FRMPD3: variants seen among roughly 807,000 people sequenced by gnomAD.
FRMPD3 encodes FERM and PDZ domain containing 3.
A neutral mutation model predicts 97.9 loss-of-function variants in FRMPD3; 42 were observed. That is an observed-to-expected ratio of 0.43 (90% CI 0.34 to 0.55). FRMPD3 has a LOEUF of 0.55. Among genes scored for constraint, FRMPD3 ranks in the 20% least tolerant of loss-of-function variants. The pLI, the probability that FRMPD3 is intolerant of heterozygous loss-of-function variation, is 0.03. For missense variants in FRMPD3, 1,303 were observed against 1,457.7 expected (o/e 0.89, Z 1.73); for synonymous variants, 577 against 581.1 (o/e 0.99, Z 0.10).
intron 1 of FRMPD3, among the ~76,000 whole-genome samples, chrX:107,486,664 G>A (rs747161787): frequency 2.7e-5 from 3 of 111,599 alleles, no homozygotes; most frequent in Non-Finnish European, 5.6e-5. Context: ...GTAGATAAAT[G>A]GGTTTATTTG....
chrX:107,479,079 G>A (rs1341020339), intron 1 of FRMPD3, among the ~76,000 whole-genome samples: 1 of 112,902 alleles, frequency 8.9e-6, no homozygotes, highest in African/African-American at 3.2e-5. Flanking sequence ...CCATGCTTGA[G>A]TCTGGAGAAC....
intron 13 of FRMPD3, among the ~76,000 whole-genome samples, chrX:107,596,628 A>C (rs1011858491): frequency 8.9e-6 from 1 of 112,110 alleles, no homozygotes; most frequent in Non-Finnish European, 1.9e-5. Context: ...GAAAAGAATA[A>C]AATTTGAAGA....
chrX:107,537,001 G>A (rs1020088869), intron 4 of FRMPD3, among the ~76,000 whole-genome samples: 4 of 111,198 alleles, frequency 3.6e-5, no homozygotes, highest in Middle Eastern at 4.6e-3. Context: ...AATAAAGGGC[G>A]TAACACTCAC....
chrX:107,600,974 C>T lies in FRMPD3; in HGVS notation c.2935C>T (p.Pro979Ser), dbSNP rs200539181. The T allele has an allele frequency of 8.3e-7, 1 of 1,206,549 alleles. No homozygotes were observed. Among genetic ancestry groups the T allele is most frequent in the Admixed American group, 2.2e-5 (1 of 45,559 alleles). The change falls in exon 15 of 15, where the codon CCC (proline) becomes TCC (serine). Residue 979 changes from proline (P) to serine (S), a missense_variant. Around this residue, in one of 3 missense-constraint regions of FRMPD3, gnomAD observed 764 missense variants for 820.2 expected, o/e 0.93. Transcript: ENST00000683843. ...CACTGCTGGTGGGGCTTTGGGGAAC[C>T]CCCCCAGCAGGGGTGAGAGAAGGCT... is the stretch of plus-strand genomic sequence containing the variant. ...LVTAGGALGN[P>S]PSRGERRLEA...
rs1296489560 is a variant in FRMPD3, at chrX:107,552,824, T to G, written c.540T>G (p.Leu180=). The G allele has an allele frequency of 8.3e-7, 1 of 1,210,211 alleles. No homozygotes were observed. The highest frequency in any genetic ancestry group is 2.2e-5 in the Admixed American group (1 of 46,009). ...KDVMLTLQDR[L]SLRFIEHFAL... is the part of the protein sequence containing the mutation. Reference sequence around the variant, plus strand: ...TGATGTTGACATTACAGGACCGCCTTTCCCTGAGGTTCATTGAGCACTTTG... The same window carrying G: ...TGATGTTGACATTACAGGACCGCCTGTCCCTGAGGTTCATTGAGCACTTTG... The change falls in exon 7 of 15, where the codon CTT becomes CTG. Residue 180 remains leucine, a synonymous_variant. Transcript: ENST00000683843.
chrX:107,542,746 G>T (rs1377609409), intron 4 of FRMPD3, among the ~76,000 whole-genome samples: 1 of 112,392 alleles, frequency 8.9e-6, no homozygotes, highest in Non-Finnish European at 1.9e-5. Context: ...CTCAACTGCA[G>T]TGTAAATGGT....
chrX:107,523,525 T>A (rs1449342269), intron 1 of FRMPD3, among the ~76,000 whole-genome samples: 2 of 112,208 alleles, frequency 1.8e-5, no homozygotes, highest in Admixed American at 1.9e-4. Flanking sequence ...CTTCTCCAGC[T>A]TCTCTGCCCC....
Position 107,602,871 on chromosome X carries a change from GC to G in FRMPD3, c.4836del (p.Glu1613ArgfsTer19). ...ACAGTCCTGCGGCAGTGTGTGGCCA[GC>G]CCCGAGGCCCGTGCCCCCAAGCCCT... is the stretch of plus-strand genomic sequence containing the variant. ...LLTVLRQCVA[S>X]PEARAPKPYV... On this transcript the variant is annotated frameshift_variant, in exon 15 of 15. Coordinates refer to ENST00000683843, the MANE Select transcript of FRMPD3 (RefSeq NM_001388459.1). LOFTEE classifies it high-confidence loss of function. 1 of 1,210,392 alleles carries G rather than the reference GC, an allele frequency of 8.3e-7. No homozygotes were observed. The highest frequency in any genetic ancestry group is 1.1e-6 in the Non-Finnish European group (1 of 895,093).
intron 1 of FRMPD3, among the ~76,000 whole-genome samples, chrX:107,490,495 T>C (rs1921631269): frequency 8.9e-6 from 1 of 111,904 alleles, no homozygotes; most frequent in Non-Finnish European, 1.9e-5. Flanking sequence ...CATTTGTTTG[T>C]ATCCTCTTTT....
intron 1 of FRMPD3, among the ~76,000 whole-genome samples, chrX:107,469,450 C>T (rs1921006500): frequency 1.8e-5 from 2 of 112,257 alleles, no homozygotes; most frequent in African/African-American, 6.5e-5. Flanking sequence ...CACTGGGTCC[C>T]TCCCACAACA....
At chrX:107,598,176 C>A in intron 14 of FRMPD3, 34 bp downstream of exon 14, 1 of 1,122,635 alleles carries the variant, frequency 8.9e-7, no homozygotes, top group Non-Finnish European at 1.2e-6. Flanking sequence ...CTTTCCACCC[C>A]CTTCTCTTGT....
At chrX:107,471,444 G>A (rs752488719) in intron 1 of FRMPD3, among the ~76,000 whole-genome samples, 3 of 109,837 alleles carry the variant, frequency 2.7e-5, no homozygotes, top group African/African-American at 1.0e-4. Flanking sequence ...TGTCCTCTAA[G>A]TTCCCACCCG....
chrX:107,513,786 T>C (rs1922228654), intron 1 of FRMPD3, among the ~76,000 whole-genome samples: 1 of 112,514 alleles, frequency 8.9e-6, no homozygotes, highest in African/African-American at 3.2e-5. Context: ...TATTCATTCA[T>C]TGGTTGATTT....
At chrX:107,502,953 CTAAG>C (rs1921949365) in intron 1 of FRMPD3, among the ~76,000 whole-genome samples, 2 of 111,200 alleles carry the variant, frequency 1.8e-5, no homozygotes, top group Non-Finnish European at 3.8e-5. Flanking sequence ...TTACCCATCA[CTAAG>C]TAAGGAATGT....
intron 1 of FRMPD3, among the ~76,000 whole-genome samples, chrX:107,451,169 C>G (rs760133294): frequency 9.0e-6 from 1 of 111,640 alleles, no homozygotes; most frequent in Non-Finnish European, 1.9e-5. Flanking sequence ...TGCCCCTCCC[C>G]TTGGCATCTT....
intron 12 of FRMPD3, among the ~76,000 whole-genome samples, chrX:107,570,179 G>A (rs908700925): frequency 1.1e-5 from 1 of 93,178 alleles, no homozygotes; most frequent in Non-Finnish European, 2.0e-5. Context: ...GAAGGAGGGA[G>A]GAAGGGGGGA....
intron 1 of FRMPD3, among the ~76,000 whole-genome samples, chrX:107,450,260 CG>C (rs1931257843): frequency 1.8e-5 from 2 of 111,035 alleles, no homozygotes; most frequent in South Asian, 3.8e-4. Context: ...TCCGCGGGTG[CG>C]GGGTGAGGAG....
intron 1 of FRMPD3, among the ~76,000 whole-genome samples, chrX:107,510,527 G>C (rs1922139550): frequency 8.9e-6 from 1 of 111,755 alleles, no homozygotes; most frequent in Non-Finnish European, 1.9e-5. Context: ...CCAACGTGGG[G>C]GAGGTACAGA....
At chrX:107,584,133 T>A (rs985659477) in intron 13 of FRMPD3, among the ~76,000 whole-genome samples, 2 of 111,227 alleles carry the variant, frequency 1.8e-5, no homozygotes, top group African/African-American at 6.5e-5. Flanking sequence ...TCCCAAAGTG[T>A]TTGGATTACA....
Sources: allele counts gnomAD v4.1 joint callset (sites outside exome capture counted in the v4.1 genomes callset), GRCh38; gene constraint gnomAD v4.1.1; regional missense constraint gnomAD v4.1.1; transcripts MANE v1.5; gene names NCBI Gene and HGNC (gene_info 2026-07-23, HGNC 2026-07-21).